FGGY: variants seen among roughly 807,000 people sequenced by gnomAD.
The protein encoded by FGGY is FGGY carbohydrate kinase domain-containing protein.
A neutral mutation model predicts 71.3 loss-of-function variants in FGGY; 72 were observed. The observed-to-expected ratio is 1.01, with a 90% CI of 0.84 to 1.23. FGGY has a LOEUF of 1.23. FGGY is among the 50% of genes most tolerant of loss of function. The pLI is 0.00. For missense variants in FGGY, 668 were observed against 682.3 expected (o/e 0.98, Z 0.23); for synonymous variants, 251 against 250.3 (o/e 1.00, Z -0.02).
intron 1 of FGGY, among the ~76,000 whole-genome samples, chr1:59,313,635 A>T (rs2044802896): frequency 6.6e-6 from 1 of 152,194 alleles, no homozygotes; most frequent in African/African-American, 2.4e-5. Context: ...ATAAAAAGGA[A>T]TGAATTAATG....
intron 9 of FGGY, among the ~76,000 whole-genome samples, chr1:59,616,200 G>A (rs868033211): frequency 3.2e-4 from 49 of 152,154 alleles, no homozygotes; most frequent in African/African-American, 1.1e-3. Flanking sequence ...GTTTATTGTG[G>A]CACTATTCAC....
At chr1:59,658,224 T>C (rs2097240128) in intron 11 of FGGY, among the ~76,000 whole-genome samples, 1 of 152,204 alleles carries the variant, frequency 6.6e-6, no homozygotes, top group African/African-American at 2.4e-5. Context: ...CATTATTTCC[T>C]CACTGTGAAA....
chr1:59,750,672 A>G (rs1023129643), intron 14 of FGGY, among the ~76,000 whole-genome samples: 3 of 152,234 alleles, frequency 2.0e-5, no homozygotes, highest in African/African-American at 4.8e-5. Flanking sequence ...TACCAGGTGC[A>G]GGTCAAAAGA....
At chr1:59,425,316 G>GAT (rs2066155678) in intron 5 of FGGY, among the ~76,000 whole-genome samples, 1 of 152,148 alleles carries the variant, frequency 6.6e-6, no homozygotes, top group Admixed American at 6.5e-5. Context: ...ATAGATTCCA[G>GAT]TATTTTTATG....
intron 14 of FGGY, among the ~76,000 whole-genome samples, chr1:59,688,965 G>C (rs903121449): frequency 4.6e-5 from 7 of 152,078 alleles, no homozygotes; most frequent in Non-Finnish European, 7.4e-5. Flanking sequence ...GGCCAGGCTG[G>C]TCTCGAACTC....
At chr1:59,617,897 G>C (rs1204757109) in intron 9 of FGGY, among the ~76,000 whole-genome samples, 1 of 152,116 alleles carries the variant, frequency 6.6e-6, no homozygotes, top group Non-Finnish European at 1.5e-5. Flanking sequence ...TACATTGTGA[G>C]TGTCTATCTG....
chr1:59,325,162 G>A (rs2047164834), intron 2 of FGGY, among the ~76,000 whole-genome samples: 1 of 151,710 alleles, frequency 6.6e-6, no homozygotes, highest in South Asian at 2.1e-4. Context: ...GACCATCCTG[G>A]TTAACATGGT....
chr1:59,527,258 T>C (rs1280107081), intron 7 of FGGY, among the ~76,000 whole-genome samples: 1 of 152,206 alleles, frequency 6.6e-6, no homozygotes, highest in East Asian at 1.9e-4. Context: ...CAGATATTTA[T>C]TTTGTCAGGC....
At chr1:59,386,295 C>G (rs913576425) in intron 5 of FGGY, among the ~76,000 whole-genome samples, 11 of 152,076 alleles carry the variant, frequency 7.2e-5, no homozygotes, top group Admixed American at 1.3e-4. Context: ...TTTTGATACC[C>G]TTGACAGTTT....
intron 7 of FGGY, among the ~76,000 whole-genome samples, chr1:59,547,491 C>A (rs2095544865): frequency 6.6e-6 from 1 of 151,746 alleles, no homozygotes; most frequent in South Asian, 2.1e-4. Flanking sequence ...GTGATATAGT[C>A]CCACCCCGAG....
intron 10 of FGGY, among the ~76,000 whole-genome samples, chr1:59,637,825 G>A (rs2096976993): frequency 2.0e-5 from 3 of 152,106 alleles, no homozygotes; most frequent in Admixed American, 2.0e-4. Context: ...CATATGACCA[G>A]TACTGTACAG....
chr1:59,301,326 G>T (rs916202652), intron 1 of FGGY, among the ~76,000 whole-genome samples: 1 of 152,104 alleles, frequency 6.6e-6, no homozygotes, highest in Admixed American at 6.5e-5. Flanking sequence ...TCTTGCTCAT[G>T]TGCTTATTAT....
chr1:59,722,991 GT>G (rs1462795473), intron 14 of FGGY, among the ~76,000 whole-genome samples: 5 of 152,110 alleles, frequency 3.3e-5, no homozygotes, highest in African/African-American at 1.2e-4. Flanking sequence ...TAGAGACGGG[GT>G]TTCACCATGT....
chr1:59,591,533 A>T, intron 8 of FGGY, among the ~76,000 whole-genome samples: 1 of 152,238 alleles, frequency 6.6e-6, no homozygotes, highest in South Asian at 2.1e-4. Context: ...ACCTGACTTC[A>T]AACTATACTA....
chr1:59,444,400 C>T (rs182846744), intron 5 of FGGY, among the ~76,000 whole-genome samples: 17 of 152,178 alleles, frequency 1.1e-4, no homozygotes, highest in Admixed American at 8.5e-4. Flanking sequence ...TTCATTTCTT[C>T]GTGTTGGGAA....
chr1:59,628,557 A>G (rs1376389869), intron 10 of FGGY, among the ~76,000 whole-genome samples: 1 of 152,224 alleles, frequency 6.6e-6, no homozygotes, highest in Non-Finnish European at 1.5e-5. Flanking sequence ...ATTGTTATTT[A>G]TGGCAATTTC....
At chr1:59,356,638 T>C (rs1181224709) in intron 4 of FGGY, among the ~76,000 whole-genome samples, 2 of 152,262 alleles carry the variant, frequency 1.3e-5, no homozygotes, top group Non-Finnish European at 2.9e-5. Flanking sequence ...GATGAACTTA[T>C]TAAATCATCT....
rs1210065818 is a variant in FGGY, at chr1:59,762,708, A to C, written c.*124A>C. ...ATTTCTGTATTGTCTTTCAATAAAGAAAACAAACATGTGCAACCAGAATTA... is the reference window on the plus strand; with the variant it reads ...ATTTCTGTATTGTCTTTCAATAAAGCAAACAAACATGTGCAACCAGAATTA... On this transcript the variant is annotated 3_prime_UTR_variant, in exon 16 of 16. Transcript: ENST00000303721. The C allele has an allele frequency of 3.4e-5, 24 of 704,528 alleles. No individual in the cohort carries two copies. The Admixed American group carries it at 4.6e-4, about 14-fold the overall frequency. The allele number at this position is 704,528 out of a possible 1,614,324, so 43.6% of individuals were successfully genotyped here. A position where few individuals can be genotyped will look rare whatever the true frequency, so the allele number is the denominator to read the frequency against.
rs114439000 is a variant in FGGY, at chr1:59,471,494, T to C, written c.670+14418T>C. Among the ~76,000 whole-genome samples, 725 of 152,326 alleles carry C rather than the reference T, an allele frequency of 4.8e-3. 4 individuals carry two copies. Among genetic ancestry groups the C allele is most frequent in the African/African-American group, 0.016 (678 of 41,554 alleles). On this transcript the variant is annotated intron_variant, in intron 6 of 15. Coordinates refer to ENST00000303721, the MANE Select transcript of FGGY (RefSeq NM_018291.5). ...CTTTTGATCTTACCTTATCCTCTTA[T>C]TATCCTTCTCTTCCCTGTCTAAGTG...
Sources: gnomAD v4.1 joint callset for allele counts (sites outside exome capture counted in the v4.1 genomes callset) on GRCh38, gnomAD v4.1.1 for gene constraint, MANE v1.5 for transcripts, NCBI Gene and HGNC (gene_info 2026-07-23, HGNC 2026-07-21) for gene names.